The following ATP13A4 variants were observed in gnomAD, a reference collection of about 807,000 sequenced individuals.
ATP13A4 encodes the protein probable cation-transporting ATPase 13A4.
In ATP13A4, 114 loss-of-function variants were observed where a neutral mutation model predicts 142.5. The ratio of observed to expected loss-of-function variants is 0.80; its 90% CI spans 0.69 to 0.93. ATP13A4 has a LOEUF of 0.93. Among genes scored for constraint, ATP13A4 ranks in the 40% least tolerant of loss-of-function variants. The pLI is 0.00. For synonymous variants in ATP13A4, 488 were observed against 514.8 expected (o/e 0.95, Z 0.70); for missense variants, 1,392 against 1,454.0 (o/e 0.96, Z 0.69).
intron 1 of ATP13A4, among the ~76,000 whole-genome samples, chr3:193,516,274 T>C (rs1721408823): frequency 1.3e-5 from 2 of 152,260 alleles, no homozygotes; most frequent in African/African-American, 4.8e-5. Flanking sequence ...TGCTTTTGTG[T>C]GTAAACATTA....
intron 7 of ATP13A4, among the ~76,000 whole-genome samples, chr3:193,488,214 A>G (rs1719746169): frequency 6.6e-6 from 1 of 152,246 alleles, no homozygotes; most frequent in Non-Finnish European, 1.5e-5. Context: ...CAGTGAGCCA[A>G]GATCACACCA....
At chr3:193,407,272 GCA>G (rs1560167123) in intron 29 of ATP13A4, 39 bp downstream of exon 29, 3 of 1,537,768 alleles carry the variant, frequency 2.0e-6, no homozygotes, top group Non-Finnish European at 1.8e-6. Context: ...ACACATGCGT[GCA>G]CACACACAAG....
intron 12 of ATP13A4, among the ~76,000 whole-genome samples, chr3:193,463,620 T>C (rs747094208): frequency 7.2e-5 from 11 of 152,062 alleles, no homozygotes; most frequent in Non-Finnish European, 1.5e-4. Context: ...ACATAAAGTG[T>C]TTCATTTAAT....
intron 8 of ATP13A4, among the ~76,000 whole-genome samples, chr3:193,481,664 G>A (rs9832230): frequency 0.45 from 69,091 of 151,906 alleles, 15,646 homozygotes; most frequent in Admixed American, 0.49. Context: ...AAAGAAAATC[G>A]ACATTTGTTC....
At chr3:193,508,423 T>C (rs928742039) in intron 2 of ATP13A4, among the ~76,000 whole-genome samples, 3 of 152,220 alleles carry the variant, frequency 2.0e-5, no homozygotes, top group Admixed American at 1.3e-4. Context: ...GTTCCAACTC[T>C]AGTTCAACTC....
At chr3:193,471,297 T>A (rs1718608276) in intron 8 of ATP13A4, among the ~76,000 whole-genome samples, 1 of 152,204 alleles carries the variant, frequency 6.6e-6, no homozygotes, top group African/African-American at 2.4e-5. Context: ...GCACAGTGGC[T>A]CATGCCTGTA....
At chr3:193,573,289 A>ATATTTT (rs1491375782) in intron 2 of ATP13A4, among the ~76,000 whole-genome samples, 3 of 81,076 alleles carry the variant, frequency 3.7e-5, no homozygotes, top group South Asian at 3.0e-4. Context: ...ATATATATAT[A>ATATTTT]CACATATATA....
At chr3:193,563,741 T>A (rs565173478) in intron 2 of ATP13A4, among the ~76,000 whole-genome samples, 2 of 152,358 alleles carry the variant, frequency 1.3e-5, no homozygotes, top group East Asian at 1.9e-4. Context: ...TTAAGATTAT[T>A]TATAGACTAT....
At position 193,552,491 on chromosome 3, in the gene ATP13A4, C is replaced by T. The variant is rs1164485915; in HGVS notation, c.60+2249G>A. The stretch of plus-strand genomic sequence containing the variant: ...CACTTTGGTGTGACACATTTCTGGA[C>T]TTGGAAGTCAGAGAAGACAGACTTA... On this transcript the variant is annotated intron_variant, in intron 1 of 29. Transcript: ENST00000342695. Among the ~76,000 whole-genome samples, 4 of 152,092 alleles carry T rather than the reference C, an allele frequency of 2.6e-5. No homozygotes were observed. The East Asian group carries it at 7.7e-4, about 29-fold the overall frequency.
chr3:193,572,735 G>C (rs545917442), intron 2 of ATP13A4, among the ~76,000 whole-genome samples: 1 of 152,204 alleles, frequency 6.6e-6, no homozygotes, highest in South Asian at 2.1e-4. Context: ...GCACCGCTGA[G>C]TGGTCCCTGA....
At chr3:193,571,203 G>A (rs1196500226) in intron 2 of ATP13A4, among the ~76,000 whole-genome samples, 4 of 150,062 alleles carry the variant, frequency 2.7e-5, no homozygotes, top group African/African-American at 5.0e-5. Flanking sequence ...GTTTGAACCT[G>A]GGAGGTGGAG....
chr3:193,548,585 A>G (rs1436051626), intron 1 of ATP13A4, among the ~76,000 whole-genome samples: 1 of 152,244 alleles, frequency 6.6e-6, no homozygotes, highest in Non-Finnish European at 1.5e-5. Flanking sequence ...TGGGTTCACT[A>G]GTTAACATTG....
At chr3:193,459,015 T>C (rs1187444542) in intron 14 of ATP13A4, 66 bp downstream of exon 14, 14 of 1,592,466 alleles carry the variant, frequency 8.8e-6, no homozygotes, top group Non-Finnish European at 1.1e-5. Flanking sequence ...TAGATAGCTC[T>C]GATATTGCCT....
chr3:193,453,991 G>A, intron 17 of ATP13A4, 110 bp downstream of exon 17: 1 of 889,366 alleles, frequency 1.1e-6, no homozygotes. Context: ...ACATTGCTCT[G>A]TCCACCACCC....
chr3:193,543,352 T>A (rs1723048091), intron 1 of ATP13A4, among the ~76,000 whole-genome samples: 1 of 152,284 alleles, frequency 6.6e-6, no homozygotes, highest in East Asian at 1.9e-4. Context: ...ACAGACAATT[T>A]ACAGACTGAA....
At chr3:193,544,754 T>C (rs1309032103) in intron 1 of ATP13A4, among the ~76,000 whole-genome samples, 1 of 152,204 alleles carries the variant, frequency 6.6e-6, no homozygotes, top group East Asian at 1.9e-4. Flanking sequence ...ATAAAATAAC[T>C]GCTAAACTAA....
intron 2 of ATP13A4, among the ~76,000 whole-genome samples, chr3:193,581,536 A>G (rs7628243): frequency 0.52 from 79,625 of 152,018 alleles, 21,572 homozygotes; most frequent in African/African-American, 0.66. Context: ...CTAGAAAATA[A>G]TTCCTTATGC....
At chr3:193,514,111 G>A (rs1721278393) in intron 2 of ATP13A4, among the ~76,000 whole-genome samples, 1 of 152,128 alleles carries the variant, frequency 6.6e-6, no homozygotes, top group Non-Finnish European at 1.5e-5. Flanking sequence ...TTAAGATCGG[G>A]GAACATGTGC....
intron 1 of ATP13A4, among the ~76,000 whole-genome samples, chr3:193,548,185 T>C (rs565398334): frequency 6.6e-6 from 1 of 152,288 alleles, no homozygotes; most frequent in African/African-American, 2.4e-5. Flanking sequence ...CATAACATTT[T>C]CTAGGTTTAT....
Sources: allele counts gnomAD v4.1 joint callset (sites outside exome capture counted in the v4.1 genomes callset), GRCh38; gene constraint gnomAD v4.1.1; transcripts MANE v1.5; gene names NCBI Gene and HGNC (gene_info 2026-07-23, HGNC 2026-07-21).